The following AARSD1 variants were observed in gnomAD, a reference collection of about 807,000 sequenced individuals.
AARSD1 encodes the protein alanyl-tRNA editing protein Aarsd1.
A neutral mutation model predicts 48.7 loss-of-function variants in AARSD1; 44 were observed. The ratio of observed to expected loss-of-function variants is 0.90; its 90% CI spans 0.71 to 1.16. AARSD1 has a LOEUF of 1.16. AARSD1 is among the 50% of genes most tolerant of loss of function. AARSD1 has a pLI of 0.00. For synonymous variants in AARSD1, 189 were observed against 194.9 expected (o/e 0.97, Z 0.25); for missense variants, 511 against 523.1 (o/e 0.98, Z 0.23).
chr17:42,964,357 C>G (rs980098041), intron 1 of AARSD1, 45 bp downstream of exon 1: 1 of 1,567,224 alleles, frequency 6.4e-7, no homozygotes. Flanking sequence ...CCCCAAACCG[C>G]CTTGCCGGCC....
chr17:42,955,433 G>GAA, intron 7 of AARSD1: 1 of 404,272 alleles, frequency 2.5e-6, no homozygotes, highest in Non-Finnish European at 4.4e-6. Context: ...CAAAGCACTT[G>GAA]ATCTTTTTTT....
At chr17:42,957,767 A>G (rs1173841237) in intron 3 of AARSD1, among the ~76,000 whole-genome samples, 1 of 152,216 alleles carries the variant, frequency 6.6e-6, no homozygotes, top group South Asian at 2.1e-4. Context: ...CACTGTGCCC[A>G]GTGAACTTAA....
At chr17:42,961,027 G>C in intron 3 of AARSD1, 165 bp downstream of exon 3, 1 of 1,148,410 alleles carries the variant, frequency 8.7e-7, no homozygotes, top group Non-Finnish European at 1.2e-6. Context: ...TGTTCATGTT[G>C]CTGTTATAAC....
In AARSD1 at chr17:42,955,862, T is replaced by A; in HGVS notation, c.774A>T (p.Lys258Asn). 1 of 1,614,086 alleles carries A rather than the reference T, an allele frequency of 6.2e-7. No homozygotes were observed. Among genetic ancestry groups the A allele is most frequent in the East Asian group, 2.2e-5 (1 of 44,884 alleles). Residue 258 changes from lysine to asparagine, a missense_variant, in exon 7 of 12, where the codon AAA becomes AAT. Physicochemically the swap from Lys to Asn is moderately conservative, Grantham distance 94. Coordinates refer to ENST00000427569, the MANE Select transcript of AARSD1 (RefSeq NM_001261434.2). Reference protein sequence around the residue: ...KWMERSHGTEKALTALLKCGA... With the variant: ...KWMERSHGTENALTALLKCGA... ...CATACTTAAGCAGAGCAGTCAGTGCTTTTTCAGTTCCATGACTTCTCTCCA... is the reference window on the plus strand; with the variant it reads ...CATACTTAAGCAGAGCAGTCAGTGCATTTTCAGTTCCATGACTTCTCTCCA...
chr17:42,963,410 AAAAGAAAG>A (rs540158094), intron 2 of AARSD1, among the ~76,000 whole-genome samples: 1 of 151,716 alleles, frequency 6.6e-6, no homozygotes, highest in South Asian at 2.1e-4. Context: ...CTCAAAAAAA[AAAAGAAAG>A]AAAGAAAGAA....
intron 6 of AARSD1, 40 bp downstream of exon 6, chr17:42,956,164 A>G (rs758641822): frequency 3.6e-5 from 58 of 1,613,008 alleles, no homozygotes; most frequent in African/African-American, 2.4e-4. Flanking sequence ...CTCTCCCCCA[A>G]TCCCTCTTCT....
At chr17:42,953,858 A>G in intron 9 of AARSD1, 80 bp from the exon 10 acceptor site, 1 of 1,587,074 alleles carries the variant, frequency 6.3e-7, no homozygotes, top group Non-Finnish European at 8.7e-7. Flanking sequence ...CCTCCTTCTG[A>G]GGCTGGCCTT....
intron 2 of AARSD1, 143 bp downstream of exon 2, chr17:42,963,963 T>C (rs2049674830): frequency 7.0e-7 from 1 of 1,429,858 alleles, no homozygotes; most frequent in African/African-American, 1.4e-5. Flanking sequence ...CAATTGCTGA[T>C]AAATACTCAT....
At chr17:42,951,613 C>T (rs1296852132) in intron 11 of AARSD1, among the ~76,000 whole-genome samples, 187 bp downstream of exon 11, 1 of 152,134 alleles carries the variant, frequency 6.6e-6, no homozygotes. Context: ...AGATGTGGAG[C>T]CAAAAGACCT....
At chr17:42,964,332 A>G in intron 1 of AARSD1, 70 bp downstream of exon 1, 2 of 1,588,536 alleles carry the variant, frequency 1.3e-6, no homozygotes, top group Non-Finnish European at 1.7e-6. Flanking sequence ...CACTCCCTAC[A>G]CGTGGCGCCC....
At chr17:42,960,892 C>T in intron 3 of AARSD1, 1 of 282,242 alleles carries the variant, frequency 3.5e-6, no homozygotes, top group Non-Finnish European at 6.4e-6. Flanking sequence ...GAGGGGAAGG[C>T]TTTTTGTTTC....
chr17:42,958,859 C>A (rs940445199), intron 3 of AARSD1, among the ~76,000 whole-genome samples: 1 of 151,288 alleles, frequency 6.6e-6, no homozygotes. Context: ...TGAGCCACCA[C>A]GCTCAGTCTG....
chr17:42,957,062 G>A lies in AARSD1; in HGVS notation c.389+76C>T, dbSNP rs2049566869. ...CACAGCCTTAATCTCCCCGGCTCAA[G>A]CAATTCTCCCACCTCCGCCTCCCTC... On this transcript the variant is annotated intron_variant, in intron 4 of 11. Transcript: ENST00000427569. 3.2e-6 allele frequency: 5 copies of A among 1,558,402 alleles called. No homozygotes were observed. In the South Asian group the frequency reaches 3.4e-5, roughly 11 times the overall value.
At chr17:42,954,722 C>T (rs555323761) in intron 9 of AARSD1, 154 bp downstream of exon 9, 28 of 786,236 alleles carry the variant, frequency 3.6e-5, no homozygotes, top group African/African-American at 7.0e-5. Flanking sequence ...CGTGAGCCAC[C>T]GCGCCCGGCC....
At position 42,956,453 on chromosome 17, in the gene AARSD1, A is replaced by AGCCGATCTCTGATTTTTTC. The variant is rs1157680647; in HGVS notation, c.478_496dup (p.Leu166ArgfsTer18). The stretch of plus-strand genomic sequence containing the variant: ...GCTCAGTTCTCGGACATTCACAGGC[A>AGCCGATCTCTGATTTTTTC]GCCGATCTCTGATTTTTTCATTGAC... On this transcript the variant is annotated frameshift_variant, in exon 5 of 12. Coordinates refer to ENST00000427569, the MANE Select transcript of AARSD1 (RefSeq NM_001261434.2). LOFTEE classifies it high-confidence loss of function. 5 of 1,613,932 alleles carry AGCCGATCTCTGATTTTTTC rather than the reference A, an allele frequency of 3.1e-6. No individual in the cohort carries two copies. Among genetic ancestry groups the AGCCGATCTCTGATTTTTTC allele is most frequent in the Non-Finnish European group, 4.2e-6 (5 of 1,180,032 alleles).
intron 3 of AARSD1, among the ~76,000 whole-genome samples, chr17:42,958,748 G>C (rs2049591987): frequency 6.7e-6 from 1 of 150,346 alleles, no homozygotes; most frequent in Non-Finnish European, 1.5e-5. Context: ...TGTACTTTTA[G>C]TAGAGTCAGG....
chr17:42,958,029 G>A (rs2049582161), intron 3 of AARSD1, among the ~76,000 whole-genome samples: 1 of 152,112 alleles, frequency 6.6e-6, no homozygotes, highest in African/African-American at 2.4e-5. Context: ...GAGATGACAA[G>A]CAAGGCCAGG....
intron 2 of AARSD1, among the ~76,000 whole-genome samples, chr17:42,962,642 C>T (rs1190883824): frequency 6.6e-6 from 1 of 152,186 alleles, no homozygotes; most frequent in African/African-American, 2.4e-5. Flanking sequence ...AATCTTCATA[C>T]TGGGAAAATC....
At chr17:42,951,575 T>TA (rs1310509237) in intron 11 of AARSD1, among the ~76,000 whole-genome samples, 1 of 151,888 alleles carries the variant, frequency 6.6e-6, no homozygotes, top group African/African-American at 2.4e-5. Context: ...ACACATTTCA[T>TA]AAAAACAAAA....
Sources: gnomAD v4.1 joint callset for allele counts (sites outside exome capture counted in the v4.1 genomes callset) on GRCh38, gnomAD v4.1.1 for gene constraint, MANE v1.5 for transcripts, NCBI Gene and HGNC (gene_info 2026-07-23, HGNC 2026-07-21) for gene names.